CLNK: variants seen among roughly 807,000 people sequenced by gnomAD.
The protein encoded by CLNK is cytokine dependent hematopoietic cell linker.
In CLNK, 74 loss-of-function variants were observed where a neutral mutation model predicts 68.6. That is an observed-to-expected ratio of 1.08 (90% confidence interval 0.89 to 1.31). The LOEUF (loss-of-function observed/expected upper bound fraction) is 1.31, where lower values mean the gene tolerates loss of function less well. CLNK is among the 50% of genes most tolerant of loss of function. CLNK has a pLI of 0.00. For synonymous variants in CLNK, 198 were observed against 172.2 expected, an observed-to-expected ratio of 1.15 and a Z score of -1.17; for missense variants, 553 against 515.3, an observed-to-expected ratio of 1.07 and a Z score of -0.71.
the CLNK span, among the ~76,000 whole-genome samples, chr4:10,706,232 C>T: frequency 2.6e-5 from 4 of 152,328 alleles, no homozygotes; most frequent in Middle Eastern, 3.4e-3. Context: ...GGGCAAGTCA[C>T]CTCCTTTGTT....
At chr4:10,586,927 G>A (rs759731038) in intron 3 of CLNK, among the ~76,000 whole-genome samples, 31 of 151,258 alleles carry the variant, frequency 2.0e-4, no homozygotes, top group South Asian at 4.2e-4. Flanking sequence ...GTCTTCTTTC[G>A]TAAGTTATCT....
chr4:10,721,294 T>G, the CLNK span, among the ~76,000 whole-genome samples: 1 of 152,054 alleles, frequency 6.6e-6, no homozygotes, highest in African/African-American at 2.4e-5. Context: ...GATGGTGATA[T>G]CGTATAATAG....
intron 18 of CLNK, among the ~76,000 whole-genome samples, chr4:10,493,659 C>T (rs1439336374): frequency 2.0e-5 from 3 of 152,100 alleles, no homozygotes; most frequent in Non-Finnish European, 2.9e-5. Flanking sequence ...ACCCATATTA[C>T]GTATACAATA....
In CLNK at chr4:10,525,930, A is replaced by G; in HGVS notation, c.650-8T>C. 6.5e-7 allele frequency: 1 copy of G among 1,529,434 alleles called. No individual in the cohort carries two copies. The allele number at this position is 1,529,434 out of a possible 1,614,324, so 94.7% of individuals were successfully genotyped here. On this transcript the variant is annotated splice_polypyrimidine_tract_variant and splice_region_variant and intron_variant, in intron 13 of 18. Transcript: ENST00000226951. The stretch of plus-strand genomic sequence containing the variant: ...TCCTCTGGTTATGAGGAACTATATA[A>G]AACAGTGACATAATTTGGTCAGGTT...
chr4:10,649,480 G>A (rs895963442), intron 2 of CLNK, among the ~76,000 whole-genome samples: 12 of 152,124 alleles, frequency 7.9e-5, no homozygotes, highest in Admixed American at 2.6e-4. Context: ...GAACATGGGA[G>A]ACTTGATACA....
At chr4:10,708,509 T>C in the CLNK span, among the ~76,000 whole-genome samples, 4 of 152,148 alleles carry the variant, frequency 2.6e-5, no homozygotes, top group East Asian at 3.9e-4. Flanking sequence ...TGTACATAGA[T>C]AGCATATACA....
At chr4:10,705,514 C>A in the CLNK span, among the ~76,000 whole-genome samples, 1 of 152,156 alleles carries the variant, frequency 6.6e-6, no homozygotes, top group Non-Finnish European at 1.5e-5. Flanking sequence ...CTTCTTTCTC[C>A]CACTTCTAGA....
chr4:10,488,810 A>C lies in CLNK; in HGVS notation c.*1657T>G, dbSNP rs539708823. On this transcript the variant is annotated 3_prime_UTR_variant, in exon 19 of 19. Transcript: ENST00000226951. ...TGTCTTACAAAAGAGATAATCCTGC[A>C]CATTGTTTTTATTGTTTTCATTTGC... 7.7e-4 allele frequency: 118 copies of C among 152,314 alleles called. No individual in the cohort carries two copies. Among genetic ancestry groups the C allele is most frequent in the African/African-American group, 2.7e-3 (112 of 41,570 alleles). The allele number at this position is 152,314 out of a possible 1,614,324, so 9.4% of individuals were successfully genotyped here.
At chr4:10,701,381 G>C in the CLNK span, among the ~76,000 whole-genome samples, 52,338 of 151,996 alleles carry the variant, frequency 0.34, 9,404 homozygotes, top group African/African-American at 0.43. Context: ...CTGTGTGTGC[G>C]AGACCACAGC....
intron 2 of CLNK, among the ~76,000 whole-genome samples, chr4:10,654,903 T>C (rs369397842): frequency 1.1e-4 from 17 of 151,944 alleles, no homozygotes; most frequent in African/African-American, 2.4e-4. Context: ...GAGATCGAGA[T>C]CATCCTGGCT....
At chr4:10,537,684 TTCCTTCCTTCCTTCCTTC>T (rs1718838931) in intron 11 of CLNK, among the ~76,000 whole-genome samples, 5 of 59,010 alleles carry the variant, frequency 8.5e-5, no homozygotes, top group South Asian at 6.7e-4. Flanking sequence ...TCTTTCTTCC[TTCCTTCCTTCCTTCCTTC>T]CTTCCTTTCT....
At position 10,487,036 on chromosome 4, in the gene CLNK, G is replaced by A. The variant is rs1394091392; in HGVS notation, c.*3431C>T. The A allele has an allele frequency of 6.6e-6, 1 of 152,196 alleles. No homozygotes were observed. The highest frequency in any genetic ancestry group is 2.4e-5 in the African/African-American group (1 of 41,444). 9.4% of individuals were successfully genotyped at this position (152,196 alleles called of 1,614,324 possible). On this transcript the variant is annotated 3_prime_UTR_variant, in exon 19 of 19. Transcript: ENST00000226951. The stretch of plus-strand genomic sequence containing the variant: ...AGGGCTATGCACATTTATACAGAAT[G>A]AGAATTATTTAGTCCAAAAAATATC...
chr4:10,714,011 C>T, the CLNK span, among the ~76,000 whole-genome samples: 4 of 151,870 alleles, frequency 2.6e-5, no homozygotes, highest in Non-Finnish European at 5.9e-5. Context: ...AAGAATCTTC[C>T]TGTCATTCTC....
rs189580276 is a variant in CLNK at position 10,507,226 on chromosome 4, C to G, written c.984+733G>C. Among the ~76,000 whole-genome samples the G allele has an allele frequency of 3.1e-3, 470 of 152,048 alleles. 1 individual carries two copies. Among genetic ancestry groups the G allele is most frequent in the Non-Finnish European group, 5.3e-3 (362 of 67,988 alleles). On this transcript the variant is annotated intron_variant, in intron 17 of 18. Transcript: ENST00000226951. ...TCCCGGCTTCAAGCGATTCTCTTGTCTCAGCCTCCCGAGTAGCTGAGATTA... is the reference window on the plus strand; with the variant it reads ...TCCCGGCTTCAAGCGATTCTCTTGTGTCAGCCTCCCGAGTAGCTGAGATTA...
the CLNK span, among the ~76,000 whole-genome samples, chr4:10,730,351 A>G: frequency 1.3e-5 from 2 of 152,068 alleles, no homozygotes; most frequent in South Asian, 2.1e-4. Flanking sequence ...CTCACCTTCA[A>G]TGTTGGTCTA....
chr4:10,526,764 A>G (rs1577107498), intron 13 of CLNK, among the ~76,000 whole-genome samples: 1 of 152,292 alleles, frequency 6.6e-6, no homozygotes, highest in East Asian at 1.9e-4. Flanking sequence ...CCAACCATAC[A>G]ATCTGGAGTT....
intron 2 of CLNK, among the ~76,000 whole-genome samples, chr4:10,652,512 G>T (rs1172935615): frequency 6.7e-6 from 1 of 149,274 alleles, no homozygotes; most frequent in Non-Finnish European, 1.5e-5. Flanking sequence ...TGATATAAAA[G>T]ATGGAGCATT....
chr4:10,731,295 ATC>A, the CLNK span, among the ~76,000 whole-genome samples: 1 of 152,234 alleles, frequency 6.6e-6, no homozygotes, highest in African/African-American at 2.4e-5. Flanking sequence ...CAAATGAACT[ATC>A]AGATATTCTT....
At chr4:10,617,840 T>C (rs1036581862) in intron 2 of CLNK, among the ~76,000 whole-genome samples, 1 of 152,240 alleles carries the variant, frequency 6.6e-6, no homozygotes, top group Non-Finnish European at 1.5e-5. Context: ...AACAGCTTTG[T>C]TTGCTTTTGT....
Sources: gnomAD v4.1 joint callset for allele counts (sites outside exome capture counted in the v4.1 genomes callset) on GRCh38, gnomAD v4.1.1 for gene constraint, MANE v1.5 for transcripts, NCBI Gene and HGNC (gene_info 2026-07-23, HGNC 2026-07-21) for gene names.